Variants in TAAR5 observed in about 807,000 individuals in gnomAD.
TAAR5 encodes the protein trace amine associated receptor 5, also known as trace amine-associated receptor 5.
A neutral mutation model predicts 21.1 loss-of-function variants in TAAR5; 27 were observed. The ratio of observed to expected loss-of-function variants is 1.28; its 90% CI spans 0.94 to 1.76. TAAR5 has a LOEUF of 1.76. Among genes scored for constraint, TAAR5 ranks in the 40% most tolerant of loss-of-function variants. The probability of loss-of-function intolerance (pLI) is 0.00; values close to 1 mark genes in which losing one functional copy is unlikely to be tolerated. For missense variants in TAAR5, 495 were observed against 405.6 expected (o/e 1.22, Z -1.89); for synonymous variants, 203 against 167.5 (o/e 1.21, Z -1.64).
chr6:132,614,337 T>C, the TAAR5 span, among the ~76,000 whole-genome samples: 23,453 of 152,272 alleles, frequency 0.15, 2,427 homozygotes, highest in Middle Eastern at 0.24. Context: ...TATGCCACTA[T>C]ATAAAAATTT....
chr6:132,602,602 G>A, the TAAR5 span, among the ~76,000 whole-genome samples: 3 of 152,080 alleles, frequency 2.0e-5, no homozygotes, highest in African/African-American at 7.2e-5. Context: ...CTGCTGTGTA[G>A]CTCAGTTCCT....
At chr6:132,606,935 C>T in the TAAR5 span, among the ~76,000 whole-genome samples, 1 of 152,152 alleles carries the variant, frequency 6.6e-6, no homozygotes. Flanking sequence ...GTGGATCATG[C>T]CTGTAATCCC....
the TAAR5 span, among the ~76,000 whole-genome samples, chr6:132,613,695 A>C: frequency 6.6e-6 from 1 of 152,218 alleles, no homozygotes; most frequent in Non-Finnish European, 1.5e-5. Flanking sequence ...GTCTGGACAC[A>C]TTCATTTTAG....
rs1190885321 is a variant in TAAR5 at position 132,589,244 on chromosome 6, A to C, written c.443T>G (p.Val148Gly). The change falls in exon 1 of 1, where the codon GTG becomes GGG. Residue 148 changes from valine (V) to glycine (G), a missense_variant. Transcript: ENST00000258034. The stretch of plus-strand genomic sequence containing the variant: ...CAGGATGTACCTGAGAGCCACCCTC[A>C]CTGTGAACTTGGAGGGATAGAGCAG... The part of the protein sequence containing the change: ...DPLLYPSKFT[V>G]RVALRYILAG... 10 of 1,607,786 alleles carry C rather than the reference A, an allele frequency of 6.2e-6. No individual in the cohort carries two copies. In the South Asian group the frequency reaches 1.1e-4, roughly 18 times the overall value.
At chr6:132,596,923 A>G in the TAAR5 span, among the ~76,000 whole-genome samples, 347 of 152,288 alleles carry the variant, frequency 2.3e-3, 2 homozygotes, top group Admixed American at 4.8e-3. Flanking sequence ...CTGCATTTGT[A>G]ATTTAAAAAC....
At chr6:132,600,462 T>A in the TAAR5 span, among the ~76,000 whole-genome samples, 1 of 152,102 alleles carries the variant, frequency 6.6e-6, no homozygotes, top group Non-Finnish European at 1.5e-5. Context: ...ATGCACAGGC[T>A]CTGAACTCCC....
At chr6:132,612,572 A>G in the TAAR5 span, among the ~76,000 whole-genome samples, 1 of 152,216 alleles carries the variant, frequency 6.6e-6, no homozygotes. Context: ...GAGTCTGGGC[A>G]GAGATAGTGT....
chr6:132,615,772 T>A, the TAAR5 span, among the ~76,000 whole-genome samples: 1 of 152,052 alleles, frequency 6.6e-6, no homozygotes, highest in Non-Finnish European at 1.5e-5. Context: ...CACACCTGGA[T>A]ATAACTACTC....
chr6:132,593,238 A>G (rs878986622), upstream of TAAR5, among the ~76,000 whole-genome samples: 2 of 152,062 alleles, frequency 1.3e-5, no homozygotes, highest in Admixed American at 1.3e-4. Context: ...CCATGCTCTC[A>G]TGGCCTCTTG....
the TAAR5 span, among the ~76,000 whole-genome samples, chr6:132,605,020 A>G: frequency 6.6e-6 from 1 of 152,182 alleles, no homozygotes; most frequent in Non-Finnish European, 1.5e-5. Flanking sequence ...TGTGGAAGAA[A>G]GGTTGCCTGG....
upstream of TAAR5, among the ~76,000 whole-genome samples, chr6:132,593,645 G>A (rs528927080): frequency 3.1e-4 from 47 of 152,242 alleles, no homozygotes; most frequent in Admixed American, 1.3e-3. Flanking sequence ...CAGTCTGGGA[G>A]GATAATGAAT....
the TAAR5 span, among the ~76,000 whole-genome samples, chr6:132,614,636 G>A: frequency 6.6e-6 from 1 of 152,110 alleles, no homozygotes; most frequent in African/African-American, 2.4e-5. Flanking sequence ...CTTTGCAGGT[G>A]CGACATCAGG....
rs2114571517 is a variant in TAAR5 at position 132,588,832 on chromosome 6, C to A, written c.855G>T (p.Leu285=). 1 of 1,614,052 alleles carries A rather than the reference C, an allele frequency of 6.2e-7. No homozygotes were observed. The highest frequency in any genetic ancestry group is 8.5e-7 in the Non-Finnish European group (1 of 1,179,982). ...CAAACCAGATAAAGATGTCAAAGAC[C>A]AGTGGGGGTGTGATAAAGTGAAGGA... ...DSLLHFITPP[L]VFDIFIWFAY... The change falls in exon 1 of 1, where the codon CTG becomes CTT. Residue 285 remains leucine (L), a synonymous_variant. Transcript: ENST00000258034.
chr6:132,598,213 A>G, the TAAR5 span, among the ~76,000 whole-genome samples: 10 of 152,280 alleles, frequency 6.6e-5, 1 homozygote, highest in African/African-American at 9.6e-5. Flanking sequence ...TGGCATAGGT[A>G]AGGGAAATTA....
chr6:132,594,250 C>T (rs939600327), upstream of TAAR5: 23 of 152,156 alleles, frequency 1.5e-4, no homozygotes, highest in Middle Eastern at 3.2e-3. Flanking sequence ...CTGGAAGGCT[C>T]ATCTATAACT....
At chr6:132,596,065 C>G in the TAAR5 span, among the ~76,000 whole-genome samples, 1 of 152,092 alleles carries the variant, frequency 6.6e-6, no homozygotes, top group Non-Finnish European at 1.5e-5. Flanking sequence ...TACTGAGGAT[C>G]ACAAAGTTAT....
chr6:132,599,323 CTTTTTTTTTT>C, the TAAR5 span, among the ~76,000 whole-genome samples: 21 of 98,464 alleles, frequency 2.1e-4, no homozygotes, highest in East Asian at 6.6e-4. Context: ...CTTTTCTTTT[CTTTTTTTTTT>C]TTTTTTTTTT....
the TAAR5 span, among the ~76,000 whole-genome samples, chr6:132,612,028 T>C: frequency 6.6e-6 from 1 of 152,224 alleles, no homozygotes; most frequent in Non-Finnish European, 1.5e-5. Flanking sequence ...AGGATATGTT[T>C]CTCTCCATTA....
Position 132,589,623 on chromosome 6 carries a change from C to G in TAAR5, c.64G>C (p.Gly22Arg). 2 of 1,613,514 alleles carry G rather than the reference C, an allele frequency of 1.2e-6. No homozygotes were observed. Residue 22 changes from glycine (G) to arginine (R), a missense_variant, in exon 1 of 1, where the codon GGG becomes CGG. By Grantham distance (125) the Gly-to-Arg change is moderately radical. Transcript: ENST00000258034. Reference protein sequence around the residue: ...HPAAFCYQVNGSCPRTVHTLG... With the variant: ...HPAAFCYQVNRSCPRTVHTLG... Reference sequence around the variant, plus strand: ...GTATGTACTGTCCTGGGGCAAGACCCATTCACCTGGTAGCAGAATGCCGCA... The same window carrying G: ...GTATGTACTGTCCTGGGGCAAGACCGATTCACCTGGTAGCAGAATGCCGCA...
Sources: allele counts gnomAD v4.1 joint callset (sites outside exome capture counted in the v4.1 genomes callset), GRCh38; gene constraint gnomAD v4.1.1; transcripts MANE v1.5; gene names NCBI Gene and HGNC (gene_info 2026-07-23, HGNC 2026-07-21).